Variants in PITPNB observed in about 807,000 individuals in gnomAD.
The protein encoded by PITPNB is phosphatidylinositol transfer protein beta isoform.
In PITPNB, 16 loss-of-function variants were observed where a neutral mutation model predicts 45.9. That is an observed-to-expected ratio of 0.35 (90% CI 0.24 to 0.53). The LOEUF (loss-of-function observed/expected upper bound fraction) is 0.53. Ranked by LOEUF, PITPNB falls within the 20% of genes least tolerant of loss-of-function variation. The probability of loss-of-function intolerance (pLI) is 0.93; values close to 1 mark genes in which losing one functional copy is unlikely to be tolerated. For missense variants in PITPNB, 188 were observed against 330.5 expected, an observed-to-expected ratio of 0.57 and a Z score of 3.34; for synonymous variants, 112 against 108.9, an observed-to-expected ratio of 1.03 and a Z score of -0.18.
intron 7 of PITPNB, among the ~76,000 whole-genome samples, chr22:27,892,375 A>G (rs1935304692): frequency 6.6e-6 from 1 of 152,192 alleles, no homozygotes; most frequent in Admixed American, 6.5e-5. Context: ...GCAAAACCAA[A>G]GGTATCTTGT....
intron 7 of PITPNB, 120 bp from the exon 8 acceptor site, chr22:27,873,935 C>T (rs1489712092): frequency 1.5e-6 from 1 of 659,600 alleles, no homozygotes; most frequent in Non-Finnish European, 2.7e-6. Context: ...ACTCACTGTG[C>T]TTTTGCGTAA....
At chr22:27,890,147 C>T (rs1935231857) in intron 7 of PITPNB, among the ~76,000 whole-genome samples, 4 of 152,220 alleles carry the variant, frequency 2.6e-5, no homozygotes, top group African/African-American at 9.6e-5. Context: ...CACTAGATTT[C>T]ACAGTCACCT....
At chr22:27,914,385 G>T in intron 1 of PITPNB, 38 bp from the exon 2 acceptor site, 1 of 1,284,900 alleles carries the variant, frequency 7.8e-7, no homozygotes, top group Non-Finnish European at 1.1e-6. Context: ...TATTACATAT[G>T]AAATAGCTTT....
At chr22:27,869,757 G>A (rs543718367) in intron 8 of PITPNB, among the ~76,000 whole-genome samples, 1 of 152,244 alleles carries the variant, frequency 6.6e-6, no homozygotes, top group South Asian at 2.1e-4. Flanking sequence ...TTCTGTGCTG[G>A]GAACTTAACA....
intron 6 of PITPNB, among the ~76,000 whole-genome samples, chr22:27,896,116 C>T (rs577608012): frequency 6.6e-6 from 1 of 152,344 alleles, no homozygotes; most frequent in African/African-American, 2.4e-5. Context: ...TACTTTATCC[C>T]TCCTGCCTTT....
Position 27,860,256 on chromosome 22 carries a change from T to A in PITPNB, c.535-15A>T. The A allele has an allele frequency of 1.4e-6, 2 of 1,478,030 alleles. No homozygotes were observed. Among genetic ancestry groups the A allele is most frequent in the Non-Finnish European group, 1.9e-6 (2 of 1,066,212 alleles). The allele number at this position is 1,478,030 out of a possible 1,614,324, so 91.6% of individuals were successfully genotyped here. A position where few individuals can be genotyped will look rare whatever the true frequency, so the allele number is the denominator to read the frequency against. ...GCCAGCTCCTTCTAGATGAGAAAAA[T>A]TGAAAAGGAGAAATTATGACTTAAA... On this transcript the variant is annotated splice_polypyrimidine_tract_variant and intron_variant, in intron 8 of 11. Transcript: ENST00000335272.
chr22:27,915,623 G>A (rs931053510), intron 1 of PITPNB, among the ~76,000 whole-genome samples: 4 of 151,962 alleles, frequency 2.6e-5, no homozygotes, highest in Admixed American at 6.6e-5. Flanking sequence ...TTCTGGTAAC[G>A]GTGATTCAAA....
chr22:27,869,134 T>C (rs1224253258), intron 8 of PITPNB, among the ~76,000 whole-genome samples: 3 of 151,970 alleles, frequency 2.0e-5, no homozygotes, highest in Non-Finnish European at 4.4e-5. Flanking sequence ...AACAAGACAT[T>C]AACATCCATC....
At chr22:27,876,740 T>C (rs1039563935) in intron 7 of PITPNB, among the ~76,000 whole-genome samples, 1 of 152,230 alleles carries the variant, frequency 6.6e-6, no homozygotes, top group African/African-American at 2.4e-5. Context: ...TGAACAAATA[T>C]ATTCCTTCAT....
In PITPNB at chr22:27,914,306, G is replaced by GA; in HGVS notation, c.51+10dup. ...TACCAATAAAATGATGCAGAAGCAA[G>GA]AAAAACTCACCTCCTGAACAGAACA... On this transcript the variant is annotated intron_variant, in intron 2 of 11. Coordinates refer to ENST00000335272, the MANE Select transcript of PITPNB (RefSeq NM_012399.5). 1.3e-6 allele frequency: 2 copies of GA among 1,580,444 alleles called. No homozygotes were observed. The highest frequency in any genetic ancestry group is 1.7e-6 in the Non-Finnish European group (2 of 1,150,236).
chr22:27,880,914 C>A (rs1007668667), intron 7 of PITPNB, among the ~76,000 whole-genome samples: 1 of 152,190 alleles, frequency 6.6e-6, no homozygotes, highest in Non-Finnish European at 1.5e-5. Flanking sequence ...AGCCACTGCA[C>A]CCAGTTAATA....
intron 6 of PITPNB, 150 bp downstream of exon 6, chr22:27,896,402 T>C: frequency 1.5e-6 from 1 of 660,406 alleles, no homozygotes; most frequent in South Asian, 1.7e-5. Context: ...CTATTTGGTT[T>C]CTGGCTGCTT....
chr22:27,898,485 A>G (rs1935498013), intron 3 of PITPNB, among the ~76,000 whole-genome samples: 2 of 151,918 alleles, frequency 1.3e-5, no homozygotes, highest in Middle Eastern at 3.2e-3. Flanking sequence ...TACTACCCCA[A>G]TGTAAAACCT....
chr22:27,851,851 T>A lies in PITPNB; in HGVS notation c.*1851A>T, dbSNP rs1934029378. 1 of 152,156 alleles carries A rather than the reference T, an allele frequency of 6.6e-6. No individual in the cohort carries two copies. The allele number at this position is 152,156 out of a possible 1,614,324, so 9.4% of individuals were successfully genotyped here. ...CCGGGCTCTCATTTCCATGTGCGCC[T>A]AAGCTCCCAATGATACTACAGATGC... On this transcript the variant is annotated 3_prime_UTR_variant, in exon 12 of 12. Coordinates refer to ENST00000335272, the MANE Select transcript of PITPNB (RefSeq NM_012399.5).
chr22:27,859,671 A>T (rs1257760799), intron 9 of PITPNB, among the ~76,000 whole-genome samples: 3 of 152,184 alleles, frequency 2.0e-5, no homozygotes, highest in African/African-American at 7.2e-5. Flanking sequence ...TTTTCAGTAA[A>T]GACCTCTAAA....
intron 8 of PITPNB, among the ~76,000 whole-genome samples, chr22:27,864,376 T>C (rs927156739): frequency 3.3e-5 from 5 of 152,226 alleles, no homozygotes; most frequent in African/African-American, 1.2e-4. Context: ...AGAATCCTTT[T>C]GGTATCTTCT....
chr22:27,885,211 C>CAAAAAAAAAAA (rs1569019250), intron 7 of PITPNB, among the ~76,000 whole-genome samples: 2 of 19,896 alleles, frequency 1.0e-4, no homozygotes, highest in Admixed American at 8.7e-4. Context: ...AAATTTATAC[C>CAAAAAAAAAAA]TAAAAAAAAA....
intron 7 of PITPNB, among the ~76,000 whole-genome samples, chr22:27,893,372 CCT>C (rs1399047988): frequency 6.6e-6 from 1 of 150,836 alleles, no homozygotes; most frequent in Non-Finnish European, 1.5e-5. Context: ...GCAAGCTCCG[CCT>C]CCCGGGCTCA....
chr22:27,858,211 A>G (rs974525340), intron 10 of PITPNB, among the ~76,000 whole-genome samples, 176 bp downstream of exon 10: 4 of 152,236 alleles, frequency 2.6e-5, no homozygotes, highest in Non-Finnish European at 5.9e-5. Context: ...CAAAAGAGAG[A>G]TCAGAATATG....
Sources: gnomAD v4.1 joint callset for allele counts (sites outside exome capture counted in the v4.1 genomes callset) on GRCh38, gnomAD v4.1.1 for gene constraint, MANE v1.5 for transcripts, NCBI Gene and HGNC (gene_info 2026-07-23, HGNC 2026-07-21) for gene names.